The following ZNF697 variants were observed in gnomAD, a reference collection of about 807,000 sequenced individuals.
The protein encoded by ZNF697 is zinc finger protein 697.
ZNF697 carries 23 observed loss-of-function variants against 32.4 expected under a neutral mutation model. That is an observed-to-expected ratio of 0.71 (90% CI 0.51 to 1.01). ZNF697 has a LOEUF of 1.01. ZNF697 is among the 50% of genes least tolerant of loss of function. The pLI, the probability that ZNF697 is intolerant of heterozygous loss-of-function variation, is 0.00. For synonymous variants in ZNF697, 418 were observed against 337.2 expected, an observed-to-expected ratio of 1.24 and a Z score of -2.62; for missense variants, 930 against 794.0, an observed-to-expected ratio of 1.17 and a Z score of -2.06.
rs2101078641 is a variant in ZNF697, at chr1:119,623,774, ATGG to A, written c.566_568del (p.Thr189del). ...GAAGCTCTCCCCGCAGTCGGGGCAG[ATGG>A]TGGGCGCGTCCATGATGCTGGCCAC... is the stretch of plus-strand genomic sequence containing the variant. On this transcript the variant is annotated inframe_deletion, in exon 3 of 3. Coordinates refer to ENST00000421812, the MANE Select transcript of ZNF697 (RefSeq NM_001080470.2). 1 of 1,544,972 alleles carries A rather than the reference ATGG, an allele frequency of 6.5e-7. No individual in the cohort carries two copies. The highest frequency in any genetic ancestry group is 2.4e-5 in the East Asian group (1 of 40,872).
At chr1:119,628,066 C>T (rs838985) in intron 1 of ZNF697, among the ~76,000 whole-genome samples, 81,754 of 124,284 alleles carry the variant, frequency 0.66, 25,768 homozygotes, top group East Asian at 0.9. Flanking sequence ...GTTGGCGGGG[C>T]GGGGGGCGGG....
intron 1 of ZNF697, among the ~76,000 whole-genome samples, chr1:119,636,832 G>A (rs1227018172): frequency 6.6e-6 from 1 of 152,156 alleles, no homozygotes; most frequent in Non-Finnish European, 1.5e-5. Context: ...TGTGATTTGG[G>A]TCTCCCAGCA....
chr1:119,624,382 C>A lies in ZNF697; in HGVS notation c.227-266G>T, dbSNP rs1322890550. On this transcript the variant is annotated intron_variant, in intron 2 of 2. Transcript: ENST00000421812. The stretch of plus-strand genomic sequence containing the variant: ...GGCCCCCCTAGCTGGACCCGAGGCA[C>A]TGCCTAGCAGAGCCATCTGAAGGCC... 2.4e-4 allele frequency among the ~76,000 whole-genome samples: 4 copies of A among 16,410 alleles called. No individual in the cohort carries two copies. The East Asian group carries it at 0.019, about 78-fold the overall frequency. 10.8% of individuals were successfully genotyped at this position (16,410 alleles called of 152,430 possible). A position where few individuals can be genotyped will look rare whatever the true frequency, so the allele number is the denominator to read the frequency against.
intron 1 of ZNF697, among the ~76,000 whole-genome samples, chr1:119,634,298 CA>C (rs2101089411): frequency 6.6e-6 from 1 of 152,310 alleles, no homozygotes; most frequent in South Asian, 2.1e-4. Flanking sequence ...TCAACAACAA[CA>C]AAACAACCGC....
chr1:119,624,735 C>T (rs1485012173), intron 2 of ZNF697, among the ~76,000 whole-genome samples: 2 of 152,150 alleles, frequency 1.3e-5, no homozygotes, highest in Non-Finnish European at 2.9e-5. Context: ...GCTGGGATTA[C>T]AGGCTCATGC....
At chr1:119,641,301 A>G (rs1443451109) in intron 1 of ZNF697, among the ~76,000 whole-genome samples, 1 of 152,164 alleles carries the variant, frequency 6.6e-6, no homozygotes, top group African/African-American at 2.4e-5. Flanking sequence ...TTGGTTTCTC[A>G]GTTCTGGAGT....
intron 1 of ZNF697, among the ~76,000 whole-genome samples, chr1:119,646,311 C>T (rs1649200504): frequency 7.2e-6 from 1 of 138,204 alleles, no homozygotes; most frequent in Non-Finnish European, 1.5e-5. Context: ...TTAACAACAA[C>T]CCCCACTTCC....
intron 1 of ZNF697, among the ~76,000 whole-genome samples, chr1:119,638,364 C>T (rs1253024274): frequency 1.3e-5 from 2 of 152,224 alleles, no homozygotes; most frequent in African/African-American, 4.8e-5. Flanking sequence ...TCCAGACCCA[C>T]ATCAATTATC....
At chr1:119,638,176 T>C (rs1648976396) in intron 1 of ZNF697, among the ~76,000 whole-genome samples, 1 of 152,242 alleles carries the variant, frequency 6.6e-6, no homozygotes, top group Non-Finnish European at 1.5e-5. Context: ...TCTCCTGCAA[T>C]GCCATTTTTT....
At chr1:119,645,546 C>T (rs1649177921) in intron 1 of ZNF697, among the ~76,000 whole-genome samples, 1 of 152,104 alleles carries the variant, frequency 6.6e-6, no homozygotes, top group Admixed American at 6.6e-5. Flanking sequence ...TGGGGTTCAA[C>T]CGGACAGTCA....
chr1:119,642,935 T>C (rs1649116879), intron 1 of ZNF697, among the ~76,000 whole-genome samples: 1 of 152,136 alleles, frequency 6.6e-6, no homozygotes, highest in African/African-American at 2.4e-5. Context: ...GGCTTCCAGG[T>C]ATGGGGGACA....
Position 119,622,732 on chromosome 1 carries a change from C to T in ZNF697, c.1611G>A (p.Ala537=), listed in dbSNP as rs1414664188. The stretch of plus-strand genomic sequence containing the variant: ...AACACAGGTGCAGCTTCTGGTGCTG[C>T]GCGAGGTGCGTTTTATAGCGGAAGC... The part of the protein sequence containing the change: ...GKGFRYKTHL[A]QHQKLHLC Residue 537 remains alanine, a synonymous_variant, in exon 3 of 3, where the codon GCG becomes GCA. Transcript: ENST00000421812. 2.6e-6 allele frequency: 4 copies of T among 1,553,984 alleles called. No homozygotes were observed. The highest frequency in any genetic ancestry group is 2.7e-5 in the African/African-American group (2 of 73,500).
In ZNF697 at chr1:119,622,912, G is replaced by A. The variant is rs762184922; in HGVS notation, c.1431C>T (p.Phe477=). 5 of 1,608,192 alleles carry A rather than the reference G, an allele frequency of 3.1e-6. No homozygotes were observed. The South Asian group carries it at 4.4e-5, about 14-fold the overall frequency. Residue 477 remains phenylalanine, a synonymous_variant, in exon 3 of 3, where the codon TTC becomes TTT. Coordinates refer to ENST00000421812, the MANE Select transcript of ZNF697 (RefSeq NM_001080470.2). ...CGQCEKRFSD[F]STLTQHQRTH... ...TGCGCTGGTGCTGCGTGAGCGTGGA[G>A]AAGTCGCTGAAGCGCTTCTCGCACT...
At position 119,625,551 on chromosome 1, in the gene ZNF697, A is replaced by G. The variant is rs370472757; in HGVS notation, c.226+324T>C. 7.2e-5 allele frequency among the ~76,000 whole-genome samples: 11 copies of G among 152,368 alleles called. No homozygotes were observed. In the East Asian group the frequency reaches 1.2e-3, roughly 16 times the overall value. ...TGCAGCAACTCATTTAACTCTCCCA[A>G]TAACACTGTGAGGTAGATTCTATTA... On this transcript the variant is annotated intron_variant, in intron 2 of 2. Coordinates refer to ENST00000421812, the MANE Select transcript of ZNF697 (RefSeq NM_001080470.2).
At chr1:119,626,744 C>A (rs1648602178) in intron 1 of ZNF697, among the ~76,000 whole-genome samples, 1 of 152,306 alleles carries the variant, frequency 6.6e-6, no homozygotes, top group African/African-American at 2.4e-5. Flanking sequence ...ACCAACAGCA[C>A]CACCAACCTG....
Position 119,623,600 on chromosome 1 carries a change from G to A in ZNF697, c.743C>T (p.Ala248Val), listed in dbSNP as rs1263721498. The A allele has an allele frequency of 1.4e-6, 2 of 1,430,046 alleles. No individual in the cohort carries two copies. Among genetic ancestry groups the A allele is most frequent in the Non-Finnish European group, 9.1e-7 (1 of 1,104,790 alleles). 88.6% of individuals were successfully genotyped at this position (1,430,046 alleles called of 1,614,324 possible). Residue 248 changes from alanine to valine, a missense_variant, in exon 3 of 3, where the codon GCC becomes GTC. By Grantham distance (64) the Ala-to-Val change is moderately conservative. Transcript: ENST00000421812. ...MGVGVAGGFG[A>V]GPPLARPPRE... ...CGGGGGCCGGGCCAGCGGGGGCCCG[G>A]CCCCGAAGCCCCCCGCCACACCCAC... is the stretch of plus-strand genomic sequence containing the variant.
chr1:119,623,745 G>C lies in ZNF697; in HGVS notation c.598C>G (p.Pro200Ala). The C allele has an allele frequency of 6.5e-7, 1 of 1,539,838 alleles. No homozygotes were observed. The highest frequency in any genetic ancestry group is 1.4e-5 in the African/African-American group (1 of 72,988). ...ICPDCGESFS[P>A]GAAFLQHQRI... ...TGGTGCTGCAGGAAGGCGGCGCCAG[G>C]ACTGAAGCTCTCCCCGCAGTCGGGG... Residue 200 changes from proline to alanine, a missense_variant, in exon 3 of 3, where the codon CCT becomes GCT. Transcript: ENST00000421812.
intron 1 of ZNF697, among the ~76,000 whole-genome samples, chr1:119,642,981 G>T (rs1233917534): frequency 6.6e-6 from 1 of 152,218 alleles, no homozygotes; most frequent in Non-Finnish European, 1.5e-5. Flanking sequence ...TTCCTATAGT[G>T]CCCTGCTAAA....
chr1:119,623,046 C>T lies in ZNF697; in HGVS notation c.1297G>A (p.Gly433Ser). ...HLFTHKRTHS[G>S]ERPYVCRECG... is the part of the protein sequence containing the mutation. The stretch of plus-strand genomic sequence containing the variant: ...TCGCGGCACACGTAGGGCCGCTCAC[C>T]CGAGTGCGTGCGCTTGTGCGTGAAG... The change falls in exon 3 of 3, where the codon GGT becomes AGT. Residue 433 changes from glycine to serine, a missense_variant. By Grantham distance (56) the Gly-to-Ser change is moderately conservative (BLOSUM62 0). Coordinates refer to ENST00000421812, the MANE Select transcript of ZNF697 (RefSeq NM_001080470.2). 6.3e-7 allele frequency: 1 copy of T among 1,588,532 alleles called. No homozygotes were observed. The highest frequency in any genetic ancestry group is 1.1e-5 in the South Asian group (1 of 87,820).
Sources: allele counts gnomAD v4.1 joint callset (sites outside exome capture counted in the v4.1 genomes callset), GRCh38; gene constraint gnomAD v4.1.1; transcripts MANE v1.5; gene names NCBI Gene and HGNC (gene_info 2026-07-23, HGNC 2026-07-21).